Variants in HMGCLL1 observed in about 807,000 individuals in gnomAD.
The protein encoded by HMGCLL1 is 3-hydroxymethyl-3-methylglutaryl-CoA lyase, cytoplasmic.
Under a neutral mutation model 39.1 loss-of-function variants are expected in HMGCLL1, and 36 were observed. That is an observed-to-expected ratio of 0.92 (90% CI 0.71 to 1.22). The LOEUF (loss-of-function observed/expected upper bound fraction) is 1.22. Among genes scored for constraint, HMGCLL1 ranks in the 50% most tolerant of loss-of-function variants. The probability of loss-of-function intolerance (pLI) is 0.00; values close to 1 mark genes in which losing one functional copy is unlikely to be tolerated. For synonymous variants in HMGCLL1, 149 were observed against 144.0 expected (o/e 1.03, Z -0.25); for missense variants, 451 against 416.5 (o/e 1.08, Z -0.72).
intron 7 of HMGCLL1, among the ~76,000 whole-genome samples, chr6:55,457,617 C>T (rs1764379481): frequency 6.6e-6 from 1 of 152,112 alleles, no homozygotes; most frequent in Non-Finnish European, 1.5e-5. Context: ...ACCAGAGATT[C>T]CAACATCCTA....
chr6:55,562,336 CCTT>C (rs1770990264), intron 1 of HMGCLL1, among the ~76,000 whole-genome samples: 1 of 151,958 alleles, frequency 6.6e-6, no homozygotes. Flanking sequence ...ATTTTTCTAT[CCTT>C]CTTTAAGTTT....
At chr6:55,542,816 CATATATATGTA>C (rs1310369562) in intron 1 of HMGCLL1, among the ~76,000 whole-genome samples, 3 of 126,694 alleles carry the variant, frequency 2.4e-5, no homozygotes, top group Admixed American at 8.8e-5. Flanking sequence ...ATATATATTA[CATATATATGTA>C]ATATATATGT....
At chr6:55,587,131 T>G in the HMGCLL1 span, among the ~76,000 whole-genome samples, 1 of 152,284 alleles carries the variant, frequency 6.6e-6, no homozygotes, top group East Asian at 1.9e-4. Context: ...GATTTGCATT[T>G]CTCTGATGGC....
At chr6:55,532,803 A>AAAT (rs1768760197) in intron 3 of HMGCLL1, among the ~76,000 whole-genome samples, 11 of 138,450 alleles carry the variant, frequency 7.9e-5, no homozygotes, top group African/African-American at 2.8e-4. Flanking sequence ...TCTGTCTCAA[A>AAAT]CATAATAATA....
At chr6:55,522,592 G>A (rs904984886) in intron 3 of HMGCLL1, among the ~76,000 whole-genome samples, 3 of 151,892 alleles carry the variant, frequency 2.0e-5, no homozygotes, top group Non-Finnish European at 2.9e-5. Flanking sequence ...TTAACTCCCC[G>A]CTGCACCGGC....
chr6:55,555,019 T>C (rs1770572036), intron 1 of HMGCLL1, among the ~76,000 whole-genome samples: 1 of 152,198 alleles, frequency 6.6e-6, no homozygotes, highest in Admixed American at 6.5e-5. Context: ...TCCTAATACT[T>C]TGAAAACATC....
At chr6:55,584,820 A>G in the HMGCLL1 span, among the ~76,000 whole-genome samples, 1 of 152,092 alleles carries the variant, frequency 6.6e-6, no homozygotes, top group Non-Finnish European at 1.5e-5. Context: ...GGGCAGGGAT[A>G]AAAGACACAT....
At chr6:55,677,350 C>A in the HMGCLL1 span, among the ~76,000 whole-genome samples, 3 of 152,058 alleles carry the variant, frequency 2.0e-5, no homozygotes, top group Non-Finnish European at 2.9e-5. Context: ...GGTGACAGAG[C>A]GAGACCCTAT....
In HMGCLL1 at chr6:55,495,609, T is replaced by G. The variant is rs552400251; in HGVS notation, c.607-2A>C. The G allele has an allele frequency of 1.6e-5, 26 of 1,581,962 alleles. No individual in the cohort carries two copies. In the East Asian group the frequency reaches 5.5e-4, roughly 33 times the overall value. ...CATGCCGTACAATCTCTTAGACACC[T>G]GTTGATAAAGGTGAAGTGCTAGTAA... On this transcript the variant is annotated splice_acceptor_variant, in intron 6 of 8. Transcript: ENST00000274901. LOFTEE classifies it high-confidence loss of function.
chr6:55,552,170 T>C (rs896952781), intron 1 of HMGCLL1, among the ~76,000 whole-genome samples: 1 of 151,998 alleles, frequency 6.6e-6, no homozygotes, highest in Non-Finnish European at 1.5e-5. Context: ...TGAATACTCA[T>C]TACAGAATCT....
chr6:55,566,571 G>A (rs1771224631), intron 1 of HMGCLL1: 1 of 455,486 alleles, frequency 2.2e-6, no homozygotes, highest in African/African-American at 2.0e-5. Context: ...CATTGCAACA[G>A]AGAAGCTGCT....
the HMGCLL1 span, among the ~76,000 whole-genome samples, chr6:55,678,281 A>G: frequency 6.6e-6 from 1 of 152,220 alleles, no homozygotes; most frequent in Non-Finnish European, 1.5e-5. Flanking sequence ...TTTATCAGAG[A>G]TACAGCTACA....
At chr6:55,541,618 G>T in intron 3 of HMGCLL1, 111 bp downstream of exon 3, 1 of 623,770 alleles carries the variant, frequency 1.6e-6, no homozygotes. Context: ...TTAATATTTT[G>T]AAAGAATATG....
At chr6:55,577,227 T>C in intron 1 of HMGCLL1, 1 of 1,504,458 alleles carries the variant, frequency 6.6e-7, no homozygotes, top group South Asian at 1.2e-5. Flanking sequence ...TGAGTTCAAT[T>C]ACGATAAGAT....
intron 3 of HMGCLL1, among the ~76,000 whole-genome samples, chr6:55,530,335 T>C (rs1768591221): frequency 6.6e-6 from 1 of 151,988 alleles, no homozygotes; most frequent in South Asian, 2.1e-4. Flanking sequence ...CAATGACAAA[T>C]TTAAATTTGT....
the HMGCLL1 span, among the ~76,000 whole-genome samples, chr6:55,620,761 T>A: frequency 0.094 from 14,348 of 152,172 alleles, 781 homozygotes; most frequent in East Asian, 0.17. Context: ...AAATTTTTAA[T>A]CCATTTTGAT....
the HMGCLL1 span, among the ~76,000 whole-genome samples, chr6:55,599,559 C>A: frequency 6.6e-6 from 1 of 152,200 alleles, no homozygotes; most frequent in Admixed American, 6.5e-5. Context: ...TCCCAAACTG[C>A]AAGAACATTT....
At chr6:55,652,209 G>A in the HMGCLL1 span, among the ~76,000 whole-genome samples, 1 of 151,870 alleles carries the variant, frequency 6.6e-6, no homozygotes, top group Non-Finnish European at 1.5e-5. Context: ...TTGATCAGCT[G>A]GATTTCTTAT....
intron 7 of HMGCLL1, among the ~76,000 whole-genome samples, chr6:55,491,764 C>T (rs956665036): frequency 3.9e-5 from 6 of 152,030 alleles, no homozygotes; most frequent in African/African-American, 9.7e-5. Flanking sequence ...AAATGCTGTA[C>T]GTTTTGTCAC....
Sources: allele counts gnomAD v4.1 joint callset (sites outside exome capture counted in the v4.1 genomes callset), GRCh38; gene constraint gnomAD v4.1.1; transcripts MANE v1.5; gene names NCBI Gene and HGNC (gene_info 2026-07-23, HGNC 2026-07-21).